Variants in RDX observed in about 807,000 individuals in gnomAD.
RDX encodes deafness, autosomal recessive 24.
RDX carries 32 observed loss-of-function variants against 83.7 expected under a neutral mutation model. The ratio of observed to expected loss-of-function variants is 0.38; its 90% CI spans 0.29 to 0.51. The LOEUF (loss-of-function observed/expected upper bound fraction) is 0.51, where lower values mean the gene tolerates loss of function less well. Among genes scored for constraint, RDX ranks in the 20% least tolerant of loss-of-function variants. RDX has a pLI of 0.87. For missense variants in RDX, 600 were observed against 689.9 expected, an observed-to-expected ratio of 0.87 and a Z score of 1.46; for synonymous variants, 229 against 222.7, an observed-to-expected ratio of 1.03 and a Z score of -0.25.
chr11:110,282,803 A>G (rs1192063463), intron 1 of RDX, among the ~76,000 whole-genome samples: 1 of 152,152 alleles, frequency 6.6e-6, no homozygotes, highest in Non-Finnish European at 1.5e-5. Flanking sequence ...ACACAGACAG[A>G]TTGTGTCTCC....
chr11:110,200,598 T>A (rs1052978983), intron 14 of RDX, among the ~76,000 whole-genome samples: 7 of 152,322 alleles, frequency 4.6e-5, no homozygotes, highest in Non-Finnish European at 1.0e-4. Context: ...CTGTTTCCCA[T>A]GGAAACCACG....
chr11:110,275,883 C>T (rs1232274526), intron 2 of RDX, among the ~76,000 whole-genome samples: 2 of 147,436 alleles, frequency 1.4e-5, no homozygotes, highest in Admixed American at 7.0e-5. Flanking sequence ...CTTCCAGGTT[C>T]AAGTGATTCT....
chr11:110,235,874 A>G (rs765313891), intron 12 of RDX, among the ~76,000 whole-genome samples: 10 of 152,224 alleles, frequency 6.6e-5, no homozygotes, highest in Non-Finnish European at 1.3e-4. Context: ...GCTTAAATGT[A>G]TATGGGTCTC....
intron 14 of RDX, among the ~76,000 whole-genome samples, chr11:110,201,090 C>A (rs975638866): frequency 1.3e-5 from 2 of 149,404 alleles, no homozygotes; most frequent in Non-Finnish European, 3.0e-5. Flanking sequence ...GTAGGAGAAT[C>A]GCTTGAACCT....
chr11:110,214,082 AC>A (rs1863939483), intron 14 of RDX, among the ~76,000 whole-genome samples: 1 of 135,674 alleles, frequency 7.4e-6, no homozygotes, highest in African/African-American at 2.8e-5. Flanking sequence ...AATTTTCGCA[AC>A]CTACTCATCT....
intron 14 of RDX, among the ~76,000 whole-genome samples, chr11:110,222,619 A>T (rs1864287917): frequency 1.3e-5 from 2 of 152,110 alleles, no homozygotes; most frequent in South Asian, 4.1e-4. Context: ...ACACGGTAAA[A>T]CCTCGTCTCT....
chr11:110,233,156 T>C, intron 13 of RDX, 81 bp downstream of exon 13: 1 of 1,559,762 alleles, frequency 6.4e-7, no homozygotes, highest in Non-Finnish European at 8.8e-7. Context: ...AACTTCTATA[T>C]TCTTTTTAAC....
At position 110,233,431 on chromosome 11, in the gene RDX, T is replaced by A; in HGVS notation, c.1393A>T (p.Thr465Ser). The change falls in exon 13 of 14, where the codon ACT (threonine) becomes TCT (serine). Residue 465 changes from threonine (T) to serine (S), a missense_variant. Transcript: ENST00000645495. ...GGTGGAGGGGGGGCAGACATCACAG[T>A]TTTTAACTCTTCTTTGGTCTTTTCC... is the stretch of plus-strand genomic sequence containing the variant. ...DLEKTKEELKTVMSAPPPPPP... is the reference protein window; with the variant it reads ...DLEKTKEELKSVMSAPPPPPP... 1 of 1,614,028 alleles carries A rather than the reference T, an allele frequency of 6.2e-7. No individual in the cohort carries two copies. Among genetic ancestry groups the A allele is most frequent in the South Asian group, 1.1e-5 (1 of 91,070 alleles).
chr11:110,257,982 G>A, intron 6 of RDX, 69 bp from the exon 7 acceptor site: 1 of 1,515,428 alleles, frequency 6.6e-7, no homozygotes, highest in Non-Finnish European at 9.1e-7. Flanking sequence ...CAAAATACCT[G>A]GAATTAAAAA....
At chr11:110,291,914 G>A (rs935533866) in intron 1 of RDX, among the ~76,000 whole-genome samples, 1 of 152,108 alleles carries the variant, frequency 6.6e-6, no homozygotes, top group Non-Finnish European at 1.5e-5. Context: ...GAAAGTCCAA[G>A]GCAGGAAGTC....
intron 15 of RDX, among the ~76,000 whole-genome samples, chr11:110,180,719 C>T (rs1253608807): frequency 2.6e-5 from 4 of 151,332 alleles, no homozygotes; most frequent in African/African-American, 9.7e-5. Flanking sequence ...GGTGCGATCT[C>T]GGCTAACTGC....
chr11:110,272,850 T>C (rs1860359945), intron 2 of RDX: 1 of 540,486 alleles, frequency 1.9e-6, no homozygotes, highest in African/African-American at 1.9e-5. Flanking sequence ...TAGCCCTTGC[T>C]ATAATACTAG....
chr11:110,197,710 G>C (rs1248484544), intron 15 of RDX, among the ~76,000 whole-genome samples: 1 of 152,202 alleles, frequency 6.6e-6, no homozygotes, highest in East Asian at 1.9e-4. Flanking sequence ...TTACATGAAT[G>C]AATTTCTGCA....
At chr11:110,256,693 A>G (rs1423652600) in intron 7 of RDX, among the ~76,000 whole-genome samples, 1 of 152,172 alleles carries the variant, frequency 6.6e-6, no homozygotes, top group African/African-American at 2.4e-5. Context: ...TGGGCAACAT[A>G]GCAAGATCCC....
chr11:110,176,100 T>C (rs1303191947), intron 15 of RDX, among the ~76,000 whole-genome samples: 1 of 151,112 alleles, frequency 6.6e-6, no homozygotes, highest in African/African-American at 2.4e-5. Context: ...TTTTTTTTTT[T>C]TCTGAGGCAG....
chr11:110,203,147 G>A (rs1222569220), intron 14 of RDX, among the ~76,000 whole-genome samples: 1 of 152,108 alleles, frequency 6.6e-6, no homozygotes, highest in African/African-American at 2.4e-5. Flanking sequence ...AGAAAATGTG[G>A]TACTTGCATA....
chr11:110,236,315 T>C (rs1336862660), intron 11 of RDX, 124 bp from the exon 12 acceptor site: 8 of 714,826 alleles, frequency 1.1e-5, no homozygotes, highest in African/African-American at 1.8e-5. Context: ...TTTAAAAAAA[T>C]ACAGTATTTC....
At chr11:110,272,726 G>T in intron 2 of RDX, 107 bp from the exon 3 acceptor site, 2 of 784,832 alleles carry the variant, frequency 2.5e-6, no homozygotes, top group Admixed American at 2.2e-5. Flanking sequence ...TTAATCACAA[G>T]AAATCTTAAA....
At chr11:110,225,018 T>A (rs1034365430), downstream of RDX, among the ~76,000 whole-genome samples, 13 of 152,210 alleles carry the variant, frequency 8.5e-5, no homozygotes, top group Admixed American at 2.0e-4. Flanking sequence ...CAAGGCTCCA[T>A]AAATTCCTGG....
Sources: gnomAD v4.1 joint callset for allele counts (sites outside exome capture counted in the v4.1 genomes callset) on GRCh38, gnomAD v4.1.1 for gene constraint, MANE v1.5 for transcripts, NCBI Gene and HGNC (gene_info 2026-07-23, HGNC 2026-07-21) for gene names.